The following INO80D variants were observed in gnomAD, a reference collection of about 807,000 sequenced individuals.
INO80D encodes INO80 complex subunit D.
A neutral mutation model predicts 87.6 loss-of-function variants in INO80D; 21 were observed. The observed-to-expected ratio is 0.24, with a 90% confidence interval of 0.17 to 0.35. The LOEUF is 0.35. Among genes scored for constraint, INO80D ranks in the 10% least tolerant of loss-of-function variants. The pLI, the probability that INO80D is intolerant of heterozygous loss-of-function variation, is 1.00. For missense variants in INO80D, 982 were observed against 1,280.7 expected (o/e 0.77, Z 3.56); for synonymous variants, 440 against 491.0 (o/e 0.90, Z 1.37).
intron 5 of INO80D, among the ~76,000 whole-genome samples, chr2:206,028,854 CG>C (rs1688687657): frequency 6.6e-6 from 1 of 151,784 alleles, no homozygotes; most frequent in Non-Finnish European, 1.5e-5. Flanking sequence ...TTGTAGGGAT[CG>C]CATTAATTCT....
intron 8 of INO80D, among the ~76,000 whole-genome samples, chr2:206,010,723 T>C (rs960251348): frequency 2.0e-5 from 3 of 152,188 alleles, no homozygotes; most frequent in African/African-American, 4.8e-5. Context: ...ACTCAAATGC[T>C]TGAATGTAAA....
intron 1 of INO80D, among the ~76,000 whole-genome samples, chr2:206,078,190 G>C (rs974316154): frequency 1.3e-5 from 2 of 151,840 alleles, no homozygotes; most frequent in African/African-American, 4.8e-5. Context: ...GACCGAGGCA[G>C]GTGCATCACC....
intron 5 of INO80D, among the ~76,000 whole-genome samples, chr2:206,028,885 T>C: frequency 6.6e-6 from 1 of 151,552 alleles, no homozygotes; most frequent in Non-Finnish European, 1.5e-5. Context: ...TTTTGTTTTG[T>C]TTTTTTGTTT....
Position 206,004,523 on chromosome 2 carries a change from C to A in INO80D, c.2929G>T (p.Ala977Ser). Residue 977 changes from alanine to serine, a missense_variant, in exon 11 of 11, where the codon GCA (alanine) becomes TCA (serine). Transcript: ENST00000403263. The surrounding 1 kb of genome is among the most constrained non-coding windows in gnomAD (Gnocchi z 4.9). Reference protein sequence around the residue: ...SPKQQLPQFSAAFGHQLSSHS... With the variant: ...SPKQQLPQFSSAFGHQLSSHS... ...GAACTCAGCTGGTGGCCAAAGGCTG[C>A]GCTGAACTGAGGGAGTTGCTGCTTG... 6.2e-7 allele frequency: 1 copy of A among 1,610,484 alleles called. No individual in the cohort carries two copies. Among genetic ancestry groups the A allele is most frequent in the East Asian group, 2.2e-5 (1 of 44,740 alleles).
At chr2:206,054,140 T>C (rs1189878184) in intron 4 of INO80D, among the ~76,000 whole-genome samples, 1 of 151,662 alleles carries the variant, frequency 6.6e-6, no homozygotes, top group Non-Finnish European at 1.5e-5. Flanking sequence ...ACACCTGGCC[T>C]CATTCATTCT....
rs1197719960 is a variant in INO80D, at chr2:205,994,250, TGTAA to T, written c.*10114_*10117del. 1 of 152,228 alleles carries T rather than the reference TGTAA, an allele frequency of 6.6e-6. No homozygotes were observed. Among genetic ancestry groups the T allele is most frequent in the Non-Finnish European group, 1.5e-5 (1 of 68,036 alleles). 9.4% of individuals were successfully genotyped at this position (152,228 alleles called of 1,614,324 possible). A position where few individuals can be genotyped will look rare whatever the true frequency, so the allele number is the denominator to read the frequency against. ...AAATACAGAGGAGAGATTGTCAGTT[TGTAA>T]GTTCCCTTTAAGCGGCTTTTATATT... On this transcript the variant is annotated 3_prime_UTR_variant, in exon 11 of 11. Transcript: ENST00000403263.
At chr2:206,060,088 C>T (rs1689647009) in intron 3 of INO80D, among the ~76,000 whole-genome samples, 1 of 151,982 alleles carries the variant, frequency 6.6e-6, no homozygotes, top group Non-Finnish European at 1.5e-5. Flanking sequence ...GCCTGTAGTC[C>T]TAGTTACTCG....
chr2:206,009,881 T>G (rs1019252379), intron 8 of INO80D, 87 bp from the exon 9 acceptor site: 3 of 1,059,022 alleles, frequency 2.8e-6, no homozygotes, highest in African/African-American at 1.6e-5. Flanking sequence ...TCCCTTAATA[T>G]TCTATATAAT....
chr2:206,013,112 T>C (rs1431540199), intron 8 of INO80D, among the ~76,000 whole-genome samples: 1 of 152,066 alleles, frequency 6.6e-6, no homozygotes, highest in Admixed American at 6.5e-5. Flanking sequence ...TTTTGATTGT[T>C]ATATAAAATA....
At chr2:206,041,524 G>A (rs1689050940) in intron 5 of INO80D, among the ~76,000 whole-genome samples, 2 of 152,226 alleles carry the variant, frequency 1.3e-5, no homozygotes, top group African/African-American at 4.8e-5. Context: ...AAACAATTAT[G>A]CATCTAATAA....
In INO80D at chr2:206,078,061, C is replaced by CAAAAAAAAAAAA. The variant is rs71410859; in HGVS notation, c.-124+7828_-124+7839dup. ...TTCCAGCAAGTTGTTGCAATGTTTA[C>CAAAAAAAAAAAA]AAAAAAAAAAAAAAAAAAAAAAAAA... On this transcript the variant is annotated intron_variant, in intron 1 of 10. Coordinates refer to ENST00000403263, the MANE Select transcript of INO80D (RefSeq NM_017759.5). Among the ~76,000 whole-genome samples, 74 of 63,056 alleles carry CAAAAAAAAAAAA rather than the reference C, an allele frequency of 1.2e-3. 8 individuals carry two copies. The highest frequency in any genetic ancestry group is 4.6e-3 in the East Asian group (7 of 1,510). The allele number at this position is 63,056 out of a possible 152,430, so 41.4% of individuals were successfully genotyped here. A position where few individuals can be genotyped will look rare whatever the true frequency, so the allele number is the denominator to read the frequency against.
At chr2:206,040,545 C>A in intron 5 of INO80D, 1 of 242,178 alleles carries the variant, frequency 4.1e-6, no homozygotes, top group South Asian at 6.2e-5. Flanking sequence ...CAGACTGCCC[C>A]TACATCCAAG....
chr2:205,994,981 A>T lies in INO80D; in HGVS notation c.*9387T>A, dbSNP rs1454727041. 1 of 152,142 alleles carries T rather than the reference A, an allele frequency of 6.6e-6. No homozygotes were observed. Among genetic ancestry groups the T allele is most frequent in the Non-Finnish European group, 1.5e-5 (1 of 68,000 alleles). The allele number at this position is 152,142 out of a possible 1,614,324, so 9.4% of individuals were successfully genotyped here. On this transcript the variant is annotated 3_prime_UTR_variant, in exon 11 of 11. Transcript: ENST00000403263. ...TCATGAGAGAGCTGCCTTCTTTCAA[A>T]TTTGAATTTTGAACAAGGCAAAATA... is the stretch of plus-strand genomic sequence containing the variant.
At chr2:206,006,541 G>T (rs532329995) in intron 10 of INO80D, among the ~76,000 whole-genome samples, 2 of 152,002 alleles carry the variant, frequency 1.3e-5, no homozygotes, top group Non-Finnish European at 2.9e-5. Context: ...AAATTAGCTG[G>T]GCATGGTGGC....
chr2:206,058,235 C>T (rs1304330319), intron 3 of INO80D, among the ~76,000 whole-genome samples: 1 of 150,732 alleles, frequency 6.6e-6, no homozygotes, highest in African/African-American at 2.4e-5. Context: ...CTGGCTAATC[C>T]GGTGAAACCC....
At chr2:206,016,825 T>C (rs1188110195) in intron 8 of INO80D, among the ~76,000 whole-genome samples, 1 of 152,102 alleles carries the variant, frequency 6.6e-6, no homozygotes, top group Non-Finnish European at 1.5e-5. Context: ...ACAAACTCTA[T>C]TTTTGCCTGC....
At chr2:206,015,570 G>A (rs779109774) in intron 8 of INO80D, among the ~76,000 whole-genome samples, 20 of 152,140 alleles carry the variant, frequency 1.3e-4, no homozygotes, top group South Asian at 4.1e-4. Context: ...GGGAACCTCC[G>A]CCTAGAATAC....
chr2:206,060,164 C>T (rs1320612155), intron 3 of INO80D, among the ~76,000 whole-genome samples: 1 of 152,010 alleles, frequency 6.6e-6, no homozygotes, highest in African/African-American at 2.4e-5. Context: ...ACGATCATGC[C>T]ACTGCACTCC....
rs143355375 is a variant in INO80D, at chr2:206,048,154, C to T, written c.965-1542G>A. Among the ~76,000 whole-genome samples the T allele has an allele frequency of 6.3e-3, 957 of 152,294 alleles. 11 individuals carry two copies. Among genetic ancestry groups the T allele is most frequent in the African/African-American group, 0.022 (906 of 41,562 alleles). On this transcript the variant is annotated intron_variant, in intron 4 of 10. Transcript: ENST00000403263. ...ACAGGCGTGAGCCACCGTGCCCAGCCTCTTTCAATTATTTTAAACAAAAAA... is the reference window on the plus strand; with the variant it reads ...ACAGGCGTGAGCCACCGTGCCCAGCTTCTTTCAATTATTTTAAACAAAAAA...
Sources: gnomAD v4.1 joint callset for allele counts (sites outside exome capture counted in the v4.1 genomes callset) on GRCh38, gnomAD v4.1.1 for gene constraint, Gnocchi (gnomAD v3.1) non-coding constraint, MANE v1.5 for transcripts, NCBI Gene and HGNC (gene_info 2026-07-23, HGNC 2026-07-21) for gene names.